NRXN1: variants seen among roughly 807,000 people sequenced by gnomAD.
NRXN1 encodes neurexin-1.
NRXN1 carries 39 observed loss-of-function variants against 150.9 expected under a neutral mutation model. The observed-to-expected ratio is 0.26, with a 90% CI of 0.20 to 0.34. The LOEUF (loss-of-function observed/expected upper bound fraction) is 0.34, where lower values mean the gene tolerates loss of function less well. NRXN1 is among the 10% of genes least tolerant of loss of function. The probability of loss-of-function intolerance (pLI) is 1.00; values close to 1 mark genes in which losing one functional copy is unlikely to be tolerated. For synonymous variants in NRXN1, 924 were observed against 757.0 expected, an observed-to-expected ratio of 1.22 and a Z score of -3.62; for missense variants, 1,815 against 1,949.9, an observed-to-expected ratio of 0.93 and a Z score of 1.30.
At chr2:50,253,826 G>C (rs1273560866) in intron 17 of NRXN1, among the ~76,000 whole-genome samples, 2 of 152,008 alleles carry the variant, frequency 1.3e-5, no homozygotes, top group Admixed American at 6.6e-5. Flanking sequence ...GTATTTTATT[G>C]AGGATTTTTG....
Position 50,416,800 on chromosome 2 carries a change from C to A in NRXN1, c.3364+48642G>T, listed in dbSNP as rs180756170. Among the ~76,000 whole-genome samples, 10 of 152,160 alleles carry A rather than the reference C, an allele frequency of 6.6e-5. No individual in the cohort carries two copies. The East Asian group carries it at 1.7e-3, about 27-fold the overall frequency. ...CTATCAGTGGCATGGGGGTTACCAC[C>A]CCCATTATTCAATTACCTCCCACCA... is the stretch of plus-strand genomic sequence containing the variant. On this transcript the variant is annotated intron_variant, in intron 17 of 22. Coordinates refer to ENST00000401669, the MANE Select transcript of NRXN1 (RefSeq NM_001330078.2).
chr2:50,005,721 C>T (rs1052540699), intron 21 of NRXN1, among the ~76,000 whole-genome samples: 2 of 152,118 alleles, frequency 1.3e-5, no homozygotes, highest in Admixed American at 6.6e-5. Flanking sequence ...AACATCTGCT[C>T]AAAATTATTC....
intron 2 of NRXN1, among the ~76,000 whole-genome samples, chr2:50,934,937 C>A (rs7601147): frequency 0.011 from 1,650 of 152,068 alleles, 37 homozygotes; most frequent in African/African-American, 0.038. Flanking sequence ...TCCTTTAGAC[C>A]TCATAGATGA....
intron 17 of NRXN1, among the ~76,000 whole-genome samples, chr2:50,415,819 T>C (rs2083492561): frequency 6.6e-6 from 1 of 151,570 alleles, no homozygotes; most frequent in Admixed American, 6.6e-5. Context: ...CAATGTGATA[T>C]GCTAAATTAC....
chr2:50,448,767 G>A (rs1386900722), intron 17 of NRXN1, among the ~76,000 whole-genome samples: 3 of 152,044 alleles, frequency 2.0e-5, no homozygotes, highest in Non-Finnish European at 4.4e-5. Context: ...TTTGGCAGCC[G>A]ACAATCCAGA....
intron 17 of NRXN1, among the ~76,000 whole-genome samples, chr2:50,393,748 A>G (rs1489627967): frequency 6.6e-6 from 1 of 152,160 alleles, no homozygotes; most frequent in African/African-American, 2.4e-5. Context: ...CTTTCTCCCT[A>G]CATGAGAATC....
intron 2 of NRXN1, among the ~76,000 whole-genome samples, chr2:50,982,877 T>C (rs1697056690): frequency 6.6e-6 from 1 of 152,060 alleles, no homozygotes; most frequent in African/African-American, 2.4e-5. Flanking sequence ...TTTTAAATAG[T>C]TTGCAAACAC....
intron 17 of NRXN1, among the ~76,000 whole-genome samples, chr2:50,251,298 T>C (rs1348829442): frequency 6.6e-6 from 1 of 152,070 alleles, no homozygotes; most frequent in East Asian, 1.9e-4. Flanking sequence ...TTTCTGTTCC[T>C]GCATTAGTTT....
intron 18 of NRXN1, among the ~76,000 whole-genome samples, chr2:50,198,808 TG>T (rs2061944615): frequency 6.6e-6 from 1 of 152,156 alleles, no homozygotes; most frequent in African/African-American, 2.4e-5. Context: ...TCTTGTACTC[TG>T]CAAATTTCTT....
intron 13 of NRXN1, among the ~76,000 whole-genome samples, chr2:50,503,933 G>A (rs1440800860): frequency 6.6e-6 from 1 of 151,976 alleles, no homozygotes; most frequent in Non-Finnish European, 1.5e-5. Flanking sequence ...CTGTATAGAG[G>A]CCATAACATC....
chr2:50,838,799 C>T (rs1021093114), intron 5 of NRXN1, among the ~76,000 whole-genome samples: 15 of 152,084 alleles, frequency 9.9e-5, no homozygotes, highest in Non-Finnish European at 1.5e-4. Context: ...ACTGCCCTGT[C>T]AGTACCATGA....
In NRXN1 at chr2:50,166,514, T is replaced by C. The variant is rs903584070; in HGVS notation, c.3546+70275A>G. Among the ~76,000 whole-genome samples the C allele has an allele frequency of 3.3e-5, 5 of 152,248 alleles. No individual in the cohort carries two copies. In the South Asian group the frequency reaches 8.3e-4, roughly 25 times the overall value. On this transcript the variant is annotated intron_variant, in intron 18 of 22. Coordinates refer to ENST00000401669, the MANE Select transcript of NRXN1 (RefSeq NM_001330078.2). ...AGAGCCCAGTCAACTGGCTCCTTAATATTAGCCTTCTTGAGACCCTAAGCA... is the reference window on the plus strand; with the variant it reads ...AGAGCCCAGTCAACTGGCTCCTTAACATTAGCCTTCTTGAGACCCTAAGCA...
chr2:51,009,258 T>C (rs1667486396), intron 2 of NRXN1: 1 of 151,976 alleles, frequency 6.6e-6, no homozygotes, highest in Non-Finnish European at 1.5e-5. Flanking sequence ...CTGGAGTTTA[T>C]GTGTAGTTGG....
chr2:50,152,890 A>T (rs549810468), intron 18 of NRXN1, among the ~76,000 whole-genome samples: 1 of 151,518 alleles, frequency 6.6e-6, no homozygotes, highest in East Asian at 2.0e-4. Context: ...TTCAGGTATT[A>T]TTTTTTTCAA....
intron 17 of NRXN1, among the ~76,000 whole-genome samples, chr2:50,429,736 G>A (rs1438530348): frequency 6.6e-6 from 1 of 152,018 alleles, no homozygotes; most frequent in Non-Finnish European, 1.5e-5. Flanking sequence ...AGGCAATTGA[G>A]CATCAGCCTT....
At chr2:50,779,091 G>T (rs916533654) in intron 5 of NRXN1, among the ~76,000 whole-genome samples, 3 of 151,894 alleles carry the variant, frequency 2.0e-5, no homozygotes, top group Non-Finnish European at 4.4e-5. Context: ...GTGTTACCTA[G>T]GCATACTTGT....
intron 21 of NRXN1, among the ~76,000 whole-genome samples, chr2:50,047,243 C>G (rs1160894804): frequency 2.6e-5 from 4 of 151,916 alleles, no homozygotes; most frequent in African/African-American, 7.3e-5. Context: ...GTTAGCTTTT[C>G]TATGCCTCAA....
At position 50,497,517 on chromosome 2, in the gene NRXN1, A is replaced by T; in HGVS notation, c.2695T>A (p.Phe899Ile). Residue 899 changes from phenylalanine (F) to isoleucine (I), a missense_variant, in exon 14 of 23, where the codon TTC becomes ATC. Phe to Ile is a conservative substitution (Grantham distance 21). Around this residue, in one of 6 missense-constraint regions of NRXN1, gnomAD observed 638 missense variants for 652.6 expected, o/e 0.98. Transcript: ENST00000401669. The stretch of plus-strand genomic sequence containing the variant: ...ACAGGATCTGCTATGATGTTCCTGA[A>T]GCCAAATCTGGCATTAAGCTCACAG... ...DYCELNARFG[F>I]RNIIADPVTF... 1 of 1,613,946 alleles carries T rather than the reference A, an allele frequency of 6.2e-7. No individual in the cohort carries two copies. The highest frequency in any genetic ancestry group is 1.1e-5 in the South Asian group (1 of 91,084).
intron 5 of NRXN1, among the ~76,000 whole-genome samples, chr2:50,732,870 C>T (rs1698271565): frequency 6.6e-6 from 1 of 152,100 alleles, no homozygotes; most frequent in Admixed American, 6.5e-5. Flanking sequence ...GCTGAATGTA[C>T]AAAACAGAAA....
Sources: gnomAD v4.1 joint callset for allele counts (sites outside exome capture counted in the v4.1 genomes callset) on GRCh38, gnomAD v4.1.1 for gene constraint, gnomAD v4.1.1 regional missense constraint, MANE v1.5 for transcripts, NCBI Gene and HGNC (gene_info 2026-07-23, HGNC 2026-07-21) for gene names.